Variants in CSMD1 observed in about 807,000 individuals in gnomAD.
The protein encoded by CSMD1 is CUB and sushi domain-containing protein 1.
Under a neutral mutation model 417.5 loss-of-function variants are expected in CSMD1, and 213 were observed. That is an observed-to-expected ratio of 0.51 (90% CI 0.46 to 0.57). CSMD1 has a LOEUF of 0.57. Ranked by LOEUF, CSMD1 falls within the 20% of genes least tolerant of loss-of-function variation. The pLI, the probability that CSMD1 is intolerant of heterozygous loss-of-function variation, is 0.00. For synonymous variants in CSMD1, 2,862 were observed against 1,736.8 expected (o/e 1.65, Z -16.11); for missense variants, 6,923 against 4,529.7 (o/e 1.53, Z -15.17).
At chr8:4,558,868 A>AAAAT (rs757078241) in intron 2 of CSMD1, among the ~76,000 whole-genome samples, 3 of 152,214 alleles carry the variant, frequency 2.0e-5, no homozygotes, top group East Asian at 1.9e-4. Context: ...ACTCCGTCTC[A>AAAAT]AAATAAATAA....
chr8:3,473,842 G>C (rs575237445), intron 11 of CSMD1, among the ~76,000 whole-genome samples: 1 of 152,112 alleles, frequency 6.6e-6, no homozygotes, highest in Non-Finnish European at 1.5e-5. Flanking sequence ...TAACTGACTC[G>C]TATTTCCACA....
chr8:2,961,058 T>C (rs144091949), intron 62 of CSMD1, 83 bp downstream of exon 62: 21 of 869,440 alleles, frequency 2.4e-5, no homozygotes, highest in East Asian at 6.3e-5. Flanking sequence ...AGGTATGATA[T>C]AAAAAAGCAC....
At chr8:3,251,515 T>G (rs1563187407) in intron 26 of CSMD1, among the ~76,000 whole-genome samples, 1 of 152,174 alleles carries the variant, frequency 6.6e-6, no homozygotes, top group Non-Finnish European at 1.5e-5. Flanking sequence ...CCAGCTTTGT[T>G]CTCTTGGCTT....
At chr8:3,785,927 C>G (rs1799433437) in intron 5 of CSMD1, among the ~76,000 whole-genome samples, 1 of 152,134 alleles carries the variant, frequency 6.6e-6, no homozygotes, top group African/African-American at 2.4e-5. Flanking sequence ...ATTCTTGGAG[C>G]CGAGGAAATG....
chr8:4,798,075 A>AATGT (rs1798077656), intron 1 of CSMD1, among the ~76,000 whole-genome samples: 1 of 152,204 alleles, frequency 6.6e-6, no homozygotes, highest in Admixed American at 6.5e-5. Flanking sequence ...AGGTTTCTTA[A>AATGT]GTATGTGTAA....
At chr8:4,528,143 C>G (rs781374659) in intron 2 of CSMD1, among the ~76,000 whole-genome samples, 6 of 152,170 alleles carry the variant, frequency 3.9e-5, no homozygotes, top group Non-Finnish European at 8.8e-5. Context: ...AGGACTATTT[C>G]TAAATACTTC....
intron 41 of CSMD1, among the ~76,000 whole-genome samples, chr8:3,126,651 CTCTT>C (rs1457094391): frequency 2.6e-5 from 4 of 152,200 alleles, no homozygotes; most frequent in African/African-American, 9.6e-5. Flanking sequence ...TAGCATATCA[CTCTT>C]TCTTTATAAC....
intron 1 of CSMD1, among the ~76,000 whole-genome samples, chr8:4,815,979 A>G (rs543290584): frequency 6.6e-6 from 1 of 152,142 alleles, no homozygotes; most frequent in Non-Finnish European, 1.5e-5. Context: ...TGAGAAAGGC[A>G]TTCCAGAAAT....
At chr8:4,534,372 A>T (rs531883797) in intron 2 of CSMD1, among the ~76,000 whole-genome samples, 1 of 152,268 alleles carries the variant, frequency 6.6e-6, no homozygotes, top group South Asian at 2.1e-4. Flanking sequence ...CTGCCTTTGC[A>T]TGGATGGTTT....
intron 2 of CSMD1, among the ~76,000 whole-genome samples, chr8:4,526,783 G>A (rs991166476): frequency 6.6e-6 from 1 of 152,142 alleles, no homozygotes; most frequent in Admixed American, 6.5e-5. Context: ...TCCACAACCT[G>A]AATTTTCTTT....
intron 5 of CSMD1, among the ~76,000 whole-genome samples, chr8:3,956,226 G>A (rs529041548): frequency 3.3e-5 from 5 of 152,142 alleles, no homozygotes; most frequent in African/African-American, 1.2e-4. Flanking sequence ...TAATGTGCCA[G>A]GTGGTGTTGT....
chr8:4,150,454 G>A (rs113917508), intron 3 of CSMD1, among the ~76,000 whole-genome samples: 256 of 152,200 alleles, frequency 1.7e-3, no homozygotes, highest in African/African-American at 5.1e-3. Flanking sequence ...GCCTTTTACC[G>A]GGGCTTAGAA....
chr8:3,277,460 T>C (rs1584915222), intron 26 of CSMD1, among the ~76,000 whole-genome samples: 1 of 152,032 alleles, frequency 6.6e-6, no homozygotes, highest in African/African-American at 2.4e-5. Context: ...GTTGGGAGAA[T>C]TGGATTTTGG....
chr8:2,963,209 C>T lies in CSMD1; in HGVS notation c.9454+13G>A, dbSNP rs780442616. The T allele has an allele frequency of 1.3e-5, 21 of 1,613,434 alleles. No individual in the cohort carries two copies. Among genetic ancestry groups the T allele is most frequent in the Non-Finnish European group, 1.7e-5 (20 of 1,179,588 alleles). ...CCTGCAGTGGGCGGAACAAATTCTG[C>T]TGTAGAACTTACGGAGACACTGGGG... On this transcript the variant is annotated intron_variant, in intron 60 of 69. Transcript: ENST00000635120.
chr8:4,091,484 G>C (rs1036521139), intron 3 of CSMD1, among the ~76,000 whole-genome samples: 3 of 152,180 alleles, frequency 2.0e-5, no homozygotes, highest in African/African-American at 4.8e-5. Context: ...ATTTTTAAAA[G>C]TATTTACTTA....
At chr8:4,682,317 C>T (rs982334485) in intron 1 of CSMD1, among the ~76,000 whole-genome samples, 1 of 152,138 alleles carries the variant, frequency 6.6e-6, no homozygotes, top group Non-Finnish European at 1.5e-5. Flanking sequence ...AAGCACAAGC[C>T]ACTGTGCTTA....
chr8:4,984,755 C>G (rs2977730), intron 1 of CSMD1, among the ~76,000 whole-genome samples: 14,590 of 152,198 alleles, frequency 0.096, 979 homozygotes, highest in African/African-American at 0.18. Flanking sequence ...GGAGGATGAA[C>G]AGCAGAAGGA....
At chr8:4,711,407 T>C (rs1291466972) in intron 1 of CSMD1, among the ~76,000 whole-genome samples, 2 of 152,182 alleles carry the variant, frequency 1.3e-5, no homozygotes, top group African/African-American at 4.8e-5. Flanking sequence ...CCAGTGATTC[T>C]CAGAAGACAA....
At chr8:4,347,287 A>C (rs767290049) in intron 3 of CSMD1, among the ~76,000 whole-genome samples, 2 of 152,142 alleles carry the variant, frequency 1.3e-5, no homozygotes, top group Non-Finnish European at 1.5e-5. Flanking sequence ...GGCCCTCTCT[A>C]AACAGCAGCA....
Sources: gnomAD v4.1 joint callset for allele counts (sites outside exome capture counted in the v4.1 genomes callset) on GRCh38, gnomAD v4.1.1 for gene constraint, MANE v1.5 for transcripts, NCBI Gene and HGNC (gene_info 2026-07-23, HGNC 2026-07-21) for gene names.